PCDH12: variants seen among roughly 807,000 people sequenced by gnomAD.
PCDH12 encodes the protein protocadherin-12.
Under a neutral mutation model 70.9 loss-of-function variants are expected in PCDH12, and 45 were observed. The ratio of observed to expected loss-of-function variants is 0.63; its 90% CI spans 0.50 to 0.81. The LOEUF is 0.81. PCDH12 is among the 40% of genes least tolerant of loss of function. The probability of loss-of-function intolerance (pLI) is 0.00; values close to 1 mark genes in which losing one functional copy is unlikely to be tolerated. For missense variants in PCDH12, 1,370 were observed against 1,491.7 expected (o/e 0.92, Z 1.34); for synonymous variants, 567 against 626.0 (o/e 0.91, Z 1.41).
intron 2 of PCDH12, among the ~76,000 whole-genome samples, chr5:141,950,885 C>T (rs1252079963): frequency 6.6e-6 from 1 of 152,174 alleles, no homozygotes; most frequent in African/African-American, 2.4e-5. Flanking sequence ...TTATGAAATC[C>T]TCACCCCATT....
chr5:141,957,378 T>C lies in PCDH12; in HGVS notation c.474A>G (p.Arg158=). The C allele has an allele frequency of 6.2e-7, 1 of 1,613,824 alleles. No homozygotes were observed. Among genetic ancestry groups the C allele is most frequent in the Non-Finnish European group, 8.5e-7 (1 of 1,179,858 alleles). Residue 158 remains arginine, a synonymous_variant, in exon 1 of 4, where the codon AGA becomes AGG. Coordinates refer to ENST00000231484, the MANE Select transcript of PCDH12 (RefSeq NM_016580.4). This position sits in a 1 kb window ranked among gnomAD's most constrained non-coding sequence, Gnocchi z 4.3. ...ASLRTRIPLD[R]ALDPDTGPNT... ...TAGGGCCTGTGTCTGGGTCAAGAGC[T>C]CTGTCCAGGGGGATCCGGGTTCGCA...
rs1561531728 is a variant in PCDH12 at position 141,945,404 on chromosome 5, T to TGCTGCTGCG, written c.3531_3532insCGCAGCAGC (p.Ser1177_Ser1178insArgSerSer). 5 of 1,612,980 alleles carry TGCTGCTGCG rather than the reference T, an allele frequency of 3.1e-6. No individual in the cohort carries two copies. Among genetic ancestry groups the TGCTGCTGCG allele is most frequent in the Non-Finnish European group, 4.2e-6 (5 of 1,179,536 alleles). On this transcript the variant is annotated inframe_insertion, in exon 4 of 4. Coordinates refer to ENST00000231484, the MANE Select transcript of PCDH12 (RefSeq NM_016580.4). ...GTTCACAGGCACCTGCTGCTGCTGCTGCTGCCTCTGCTCTTGCCCTCAGTC... is the reference window on the plus strand; with the variant it reads ...GTTCACAGGCACCTGCTGCTGCTGCTGCTGCTGCGGCTGCCTCTGCTCTTGCCCTCAGTC...
rs1160511748 is a variant in PCDH12 at position 141,957,461 on chromosome 5, G to A, written c.391C>T (p.His131Tyr). ...TCGCCTTTGGGAAACCGTGGCTGGT[G>A]GTCATTGATGTCCAGCACTTGGATC... ...VEIQVLDIND[H>Y]QPRFPKGEQE... The change falls in exon 1 of 4, where the codon CAC becomes TAC. Residue 131 changes from histidine to tyrosine, a missense_variant. Physicochemically the swap from His to Tyr is moderately conservative, Grantham distance 83. Transcript: ENST00000231484. The surrounding 1 kb of genome is among the most constrained non-coding windows in gnomAD (Gnocchi z 4.3). 1.2e-6 allele frequency: 2 copies of A among 1,612,618 alleles called. No individual in the cohort carries two copies.
Position 141,958,180 on chromosome 5 carries a change from TCTGA to T in PCDH12, c.-333_-330del, listed in dbSNP as rs1360668063. On this transcript the variant is annotated 5_prime_UTR_variant, in exon 1 of 4. Coordinates refer to ENST00000231484, the MANE Select transcript of PCDH12 (RefSeq NM_016580.4). ...GACCCAGTTGAGCAGGATGTGGGAC[TCTGA>T]CTGCCAAACAGTTGCTAGGCTGGGG... 1.5e-5 allele frequency: 4 copies of T among 275,516 alleles called. No individual in the cohort carries two copies. The highest frequency in any genetic ancestry group is 2.7e-5 in the Non-Finnish European group (4 of 145,618). 17.1% of individuals were successfully genotyped at this position (275,516 alleles called of 1,614,324 possible).
chr5:141,945,694 G>A lies in PCDH12; in HGVS notation c.3242C>T (p.Thr1081Met), dbSNP rs149567898. 7.4e-6 allele frequency: 12 copies of A among 1,614,062 alleles called. No homozygotes were observed. Among genetic ancestry groups the A allele is most frequent in the African/African-American group, 4.0e-5 (3 of 74,938 alleles). The change falls in exon 4 of 4, where the codon ACG becomes ATG. Residue 1081 changes from threonine (T) to methionine (M), a missense_variant. Transcript: ENST00000231484. ...DNVISPDAAATEEPRTFQTFG... is the reference protein window; with the variant it reads ...DNVISPDAAAMEEPRTFQTFG... The stretch of plus-strand genomic sequence containing the variant: ...CGTCTGGAAGGTCCTTGGCTCCTCC[G>A]TGGCTGCAGCATCCGGGGAGATCAC...
intron 1 of PCDH12, among the ~76,000 whole-genome samples, chr5:141,952,173 G>A (rs981598996): frequency 6.6e-6 from 1 of 152,182 alleles, no homozygotes; most frequent in Non-Finnish European, 1.5e-5. Flanking sequence ...GGTCACATCT[G>A]TCAGGATGTG....
intron 1 of PCDH12, 39 bp from the exon 2 acceptor site, chr5:141,951,629 C>T (rs753009579): frequency 1.9e-5 from 26 of 1,399,892 alleles, no homozygotes; most frequent in African/African-American, 8.5e-5. Context: ...CACACAATTC[C>T]GACTCAGCAC....
chr5:141,957,713 C>CG lies in PCDH12; in HGVS notation c.138dup (p.Gly47ArgfsTer36), dbSNP rs2126931334. On this transcript the variant is annotated frameshift_variant, in exon 1 of 4. Transcript: ENST00000231484. LOFTEE classifies it high-confidence loss of function. This position sits in a 1 kb window ranked among gnomAD's most constrained non-coding sequence, Gnocchi z 4.3. ...CGGCCCAGTTCCTGGGACAGCTTCC[C>CG]GATCACTGTACCAGATGGCACTTCC... 1 of 1,614,092 alleles carries CG rather than the reference C, an allele frequency of 6.2e-7. No homozygotes were observed. Among genetic ancestry groups the CG allele is most frequent in the East Asian group, 2.2e-5 (1 of 44,878 alleles).
Position 141,955,529 on chromosome 5 carries a change from T to C in PCDH12, c.2323A>G (p.Ile775Val). 6.2e-7 allele frequency: 1 copy of C among 1,614,134 alleles called. No homozygotes were observed. Among genetic ancestry groups the C allele is most frequent in the Non-Finnish European group, 8.5e-7 (1 of 1,180,010 alleles). Reference sequence around the variant, plus strand: ...CCCCTGAGCACAGGCACGAGGTGGATGTCTGCCTTCTGAATGTGTTTCTGG... The same window carrying C: ...CCCCTGAGCACAGGCACGAGGTGGACGTCTGCCTTCTGAATGTGTTTCTGG... ...RPQKHIQKAD[I>V]HLVPVLRGQA... Residue 775 changes from isoleucine to valine, a missense_variant, in exon 1 of 4, where the codon ATC becomes GTC. Physicochemically the swap from Ile to Val is conservative, Grantham distance 29 (BLOSUM62 3). Transcript: ENST00000231484. The surrounding 1 kb of genome is among the most constrained non-coding windows in gnomAD (Gnocchi z 5.5).
intron 1 of PCDH12, among the ~76,000 whole-genome samples, chr5:141,952,018 A>G (rs759076075): frequency 3.9e-5 from 6 of 152,270 alleles, no homozygotes; most frequent in Non-Finnish European, 7.3e-5. Context: ...ATGTAAGACT[A>G]TGTTGTAGAG....
chr5:141,951,858 C>T (rs776678120), intron 1 of PCDH12, among the ~76,000 whole-genome samples: 15 of 152,230 alleles, frequency 9.9e-5, no homozygotes, highest in East Asian at 1.9e-4. Context: ...CTCATTCCTC[C>T]GAGTGTCCTG....
chr5:141,956,439 T>C lies in PCDH12; in HGVS notation c.1413A>G (p.Glu471=). The C allele has an allele frequency of 1.2e-6, 2 of 1,614,226 alleles. No individual in the cohort carries two copies. The highest frequency in any genetic ancestry group is 1.7e-6 in the Non-Finnish European group (2 of 1,180,052). ...EKSRYEVSTR[E]NNLPSLHLIT... ...TGAGGTGAAGAGAGGGTAAGTTGTTTTCCCGCGTGGAGACTTCATACCTGC... is the reference window on the plus strand; with the variant it reads ...TGAGGTGAAGAGAGGGTAAGTTGTTCTCCCGCGTGGAGACTTCATACCTGC... The change falls in exon 1 of 4, where the codon GAA becomes GAG. Residue 471 remains glutamate (E), a synonymous_variant. Coordinates refer to ENST00000231484, the MANE Select transcript of PCDH12 (RefSeq NM_016580.4).
Position 141,958,111 on chromosome 5 carries a change from C to G in PCDH12, c.-260G>C. 2.0e-6 allele frequency: 1 copy of G among 494,828 alleles called. No individual in the cohort carries two copies. The highest frequency in any genetic ancestry group is 3.6e-6 in the Non-Finnish European group (1 of 278,066). 30.7% of individuals were successfully genotyped at this position (494,828 alleles called of 1,614,324 possible). A position where few individuals can be genotyped will look rare whatever the true frequency, so the allele number is the denominator to read the frequency against. The stretch of plus-strand genomic sequence containing the variant: ...ACCCCCTACTGGGGAACTAGTTGGT[C>G]CACTTCAGCAAATGATGGACAAGAG... On this transcript the variant is annotated 5_prime_UTR_variant, in exon 1 of 4. Coordinates refer to ENST00000231484, the MANE Select transcript of PCDH12 (RefSeq NM_016580.4).
At position 141,957,405 on chromosome 5, in the gene PCDH12, A is replaced by G; in HGVS notation, c.447T>C (p.Ser149=). Residue 149 remains serine (S), a synonymous_variant, in exon 1 of 4, where the codon TCT becomes TCC. Coordinates refer to ENST00000231484, the MANE Select transcript of PCDH12 (RefSeq NM_016580.4). This position sits in a 1 kb window ranked among gnomAD's most constrained non-coding sequence, Gnocchi z 4.3. ...EQELEISESA[S]LRTRIPLDRA... The stretch of plus-strand genomic sequence containing the variant: ...TGTCCAGGGGGATCCGGGTTCGCAG[A>G]GAGGCGCTCTCAGAGATTTCCAGCT... 6.2e-7 allele frequency: 1 copy of G among 1,613,444 alleles called. No homozygotes were observed. Among genetic ancestry groups the G allele is most frequent in the Non-Finnish European group, 8.5e-7 (1 of 1,179,690 alleles).
In PCDH12 at chr5:141,957,602, C is replaced by G. The variant is rs1253454856; in HGVS notation, c.250G>C (p.Gly84Arg). The change falls in exon 1 of 4, where the codon GGC (glycine) becomes CGC (arginine). Residue 84 changes from glycine to arginine, a missense_variant. Coordinates refer to ENST00000231484, the MANE Select transcript of PCDH12 (RefSeq NM_016580.4). The surrounding 1 kb of genome is among the most constrained non-coding windows in gnomAD (Gnocchi z 4.3). The stretch of plus-strand genomic sequence containing the variant: ...AGCCGCCTGCCTGTGCTGAGCAAGC[C>G]TTCCTCAGAGTCCACCTGAATGGGG... ...ALPIQVDSEE[G>R]LLSTGRRLDR... The G allele has an allele frequency of 5.6e-6, 9 of 1,614,098 alleles. No homozygotes were observed. The highest frequency in any genetic ancestry group is 6.8e-6 in the Non-Finnish European group (8 of 1,180,050).
chr5:141,952,379 T>C (rs1753102110), intron 1 of PCDH12: 2 of 152,206 alleles, frequency 1.3e-5, no homozygotes, highest in Admixed American at 1.3e-4. Flanking sequence ...CAACAGATGT[T>C]ACTGAGTTCA....
At chr5:141,946,912 A>T (rs1752948982) in intron 3 of PCDH12, among the ~76,000 whole-genome samples, 1 of 152,210 alleles carries the variant, frequency 6.6e-6, no homozygotes, top group South Asian at 2.1e-4. Flanking sequence ...TTAAAAAAAA[A>T]AAAAAAAGCA....
Position 141,956,322 on chromosome 5 carries a change from A to G in PCDH12, c.1530T>C (p.Ile510=), listed in dbSNP as rs750232682. The change falls in exon 1 of 4, where the codon ATT becomes ATC. Residue 510 remains isoleucine, a synonymous_variant. Coordinates refer to ENST00000231484, the MANE Select transcript of PCDH12 (RefSeq NM_016580.4). ...QDSPVAHLVA[I]DSNTGEVTAQ... ...CAGTGACCTCTCCTGTGTTGGAGTC[A>G]ATAGCTACTAAGTGAGCAACTGGGG... 1.9e-5 allele frequency: 30 copies of G among 1,614,226 alleles called. No homozygotes were observed. Among genetic ancestry groups the G allele is most frequent in the African/African-American group, 2.7e-5 (2 of 75,050 alleles).
rs1181323370 is a variant in PCDH12 at position 141,955,673 on chromosome 5, C to T, written c.2179G>A (p.Gly727Ser). The stretch of plus-strand genomic sequence containing the variant: ...AAAGCCAGGATCAACCCGAAGATGC[C>T]CAACAGTACAGCCAGGCAGATCACC... ...LTVICLAVLL[G>S]IFGLILALFM... Residue 727 changes from glycine to serine, a missense_variant, in exon 1 of 4, where the codon GGC (glycine) becomes AGC (serine). Physicochemically the swap from Gly to Ser is moderately conservative, Grantham distance 56 (BLOSUM62 0). Coordinates refer to ENST00000231484, the MANE Select transcript of PCDH12 (RefSeq NM_016580.4). The surrounding 1 kb of genome is among the most constrained non-coding windows in gnomAD (Gnocchi z 5.5). 1 of 1,614,108 alleles carries T rather than the reference C, an allele frequency of 6.2e-7. No homozygotes were observed. Among genetic ancestry groups the T allele is most frequent in the Non-Finnish European group, 8.5e-7 (1 of 1,180,012 alleles).
Sources: allele counts gnomAD v4.1 joint callset (sites outside exome capture counted in the v4.1 genomes callset), GRCh38; gene constraint gnomAD v4.1.1; non-coding constraint Gnocchi (gnomAD v3.1); transcripts MANE v1.5; gene names NCBI Gene and HGNC (gene_info 2026-07-23, HGNC 2026-07-21).